The following LIPA variants were observed in gnomAD, a reference collection of about 807,000 sequenced individuals.
LIPA encodes the protein lysosomal acid lipase/cholesteryl ester hydrolase.
Under a neutral mutation model 40.6 loss-of-function variants are expected in LIPA, and 26 were observed. That is an observed-to-expected ratio of 0.64 (90% CI 0.47 to 0.89). The LOEUF (loss-of-function observed/expected upper bound fraction) is 0.89. LIPA is among the 40% of genes least tolerant of loss of function. The pLI, the probability that LIPA is intolerant of heterozygous loss-of-function variation, is 0.00. For missense variants in LIPA, 455 were observed against 479.6 expected, an observed-to-expected ratio of 0.95 and a Z score of 0.48; for synonymous variants, 188 against 168.4, an observed-to-expected ratio of 1.12 and a Z score of -0.90.
intron 1 of LIPA, among the ~76,000 whole-genome samples, chr10:89,336,536 G>A (rs1843743404): frequency 6.6e-6 from 1 of 152,244 alleles, no homozygotes; most frequent in South Asian, 2.1e-4. Flanking sequence ...CAGTAGCGGT[G>A]TGAGGGCCAG....
chr10:89,316,541 G>T (rs1589598851), intron 1 of LIPA, among the ~76,000 whole-genome samples: 1 of 152,210 alleles, frequency 6.6e-6, no homozygotes, highest in Non-Finnish European at 1.5e-5. Flanking sequence ...CATTGCTGAG[G>T]CTTGAGTAGG....
intron 1 of LIPA, among the ~76,000 whole-genome samples, chr10:89,328,364 C>T (rs778798548): frequency 1.1e-4 from 17 of 152,090 alleles, no homozygotes; most frequent in Non-Finnish European, 2.1e-4. Flanking sequence ...GCAGCTATTT[C>T]CTGCAATGAG....
At position 89,263,783 on chromosome 10, in the gene LIPA, C is replaced by T. The variant is rs570194752; in HGVS notation, c.-1-16134G>A. On this transcript the variant is annotated intron_variant, in intron 1 of 5. Transcript: ENST00000282673. ...GCTCATGCTAACCAACCAGATCCCA[C>T]GCCTCCAAGGTCAAGCCAGGTGTAG... 1.8e-4 allele frequency among the ~76,000 whole-genome samples: 28 copies of T among 152,364 alleles called. 1 individual carries two copies. The highest frequency in any genetic ancestry group is 2.1e-4 in the South Asian group (1 of 4,834).
chr10:89,325,867 A>T (rs928222150), intron 1 of LIPA, among the ~76,000 whole-genome samples: 3 of 151,804 alleles, frequency 2.0e-5, no homozygotes, highest in Non-Finnish European at 2.9e-5. Flanking sequence ...AATATAAGTT[A>T]AAAAAAAACC....
chr10:89,401,767 T>C (rs1844427475), intron 2 of LIPA, among the ~76,000 whole-genome samples: 1 of 138,940 alleles, frequency 7.2e-6, no homozygotes, highest in South Asian at 2.4e-4. Context: ...GAATCTGTAA[T>C]TATTTCCAAG....
chr10:89,386,872 C>T (rs886812938), intron 2 of LIPA, among the ~76,000 whole-genome samples: 2 of 152,176 alleles, frequency 1.3e-5, no homozygotes, highest in African/African-American at 4.8e-5. Flanking sequence ...ACCTTCCCAC[C>T]ACTCCAGGTA....
chr10:89,328,816 G>A (rs116452427), intron 1 of LIPA, among the ~76,000 whole-genome samples: 2,933 of 152,222 alleles, frequency 0.019, 42 homozygotes, highest in African/African-American at 0.037. Context: ...CTCTAATGGT[G>A]GGAAGCAGAT....
At chr10:89,380,550 C>T (rs775687517) in intron 2 of LIPA, among the ~76,000 whole-genome samples, 11 of 151,968 alleles carry the variant, frequency 7.2e-5, no homozygotes, top group Non-Finnish European at 1.3e-4. Flanking sequence ...GATCCTCCCA[C>T]GTCAGCCCAA....
At chr10:89,414,233 A>G (rs748116887) in intron 1 of LIPA, among the ~76,000 whole-genome samples, 14 of 152,198 alleles carry the variant, frequency 9.2e-5, no homozygotes, top group Non-Finnish European at 1.9e-4. Context: ...TTGTTGAATC[A>G]AAAGACTGGA....
chr10:89,363,997 G>A (rs1844041417), intron 2 of LIPA, among the ~76,000 whole-genome samples: 1 of 152,160 alleles, frequency 6.6e-6, no homozygotes, highest in African/African-American at 2.4e-5. Context: ...CCTGAGACGG[G>A]CTACTGGCCT....
At chr10:89,293,917 A>C (rs879439587) in intron 1 of LIPA, among the ~76,000 whole-genome samples, 1 of 152,224 alleles carries the variant, frequency 6.6e-6, no homozygotes, top group Non-Finnish European at 1.5e-5. Flanking sequence ...AACTCAATTC[A>C]GTCCAAAGCA....
chr10:89,383,440 A>T (rs1441336991), intron 2 of LIPA: 1 of 1,614,102 alleles, frequency 6.2e-7, no homozygotes, highest in Admixed American at 1.7e-5. Flanking sequence ...CTGGGAAGAG[A>T]TTCAGTTCCT....
rs369597035 is a variant in LIPA, at chr10:89,248,727, G to A, written c.-1-1078C>T. 4.8e-5 allele frequency among the ~76,000 whole-genome samples: 7 copies of A among 146,488 alleles called. No homozygotes were observed. In the East Asian group the frequency reaches 7.8e-4, roughly 16 times the overall value. ...CTCGATCTCCTAACCTCGTGATCAC[G>A]CCTCGGCCTCCCAAAGTGCTGGGAT... On this transcript the variant is annotated intron_variant, in intron 1 of 9. Coordinates refer to ENST00000336233, the MANE Select transcript of LIPA (RefSeq NM_000235.4).
chr10:89,230,856 C>T (rs755153943), intron 3 of LIPA, among the ~76,000 whole-genome samples: 9 of 152,166 alleles, frequency 5.9e-5, no homozygotes, highest in Admixed American at 2.0e-4. Context: ...AACCAGTCTG[C>T]GTCTCAGTTC....
rs189250390 is a variant in LIPA at position 89,349,919 on chromosome 10, T to C, written c.61+62872A>G. On this transcript the variant is annotated intron_variant, in intron 2 of 8. Coordinates refer to the LIPA transcript ENST00000371837. ...TCTGCCTGAAAGCAGAATATAAACG[T>C]CTCTTGTGATGGTATCCCCAACCCC... Among the ~76,000 whole-genome samples the C allele has an allele frequency of 2.0e-4, 31 of 152,228 alleles. 1 individual carries two copies. The highest frequency in any genetic ancestry group is 5.2e-4 in the Admixed American group (8 of 15,286).
intron 2 of LIPA, among the ~76,000 whole-genome samples, chr10:89,366,511 A>T (rs1844057926): frequency 6.6e-6 from 1 of 152,216 alleles, no homozygotes; most frequent in South Asian, 2.1e-4. Flanking sequence ...TCACAAATTT[A>T]CAAGAAAAAA....
At chr10:89,400,486 C>T (rs968071951) in intron 2 of LIPA, among the ~76,000 whole-genome samples, 3 of 152,038 alleles carry the variant, frequency 2.0e-5, no homozygotes, top group African/African-American at 4.8e-5. Context: ...AAGTCTTTTG[C>T]CTCCTAGGTT....
intron 2 of LIPA, among the ~76,000 whole-genome samples, chr10:89,360,204 G>T (rs568319487): frequency 9.9e-5 from 15 of 152,096 alleles, no homozygotes; most frequent in Non-Finnish European, 2.2e-4. Context: ...TAAGTGCCTA[G>T]CATCTATTTA....
At chr10:89,233,032 C>T (rs946490298) in intron 3 of LIPA, among the ~76,000 whole-genome samples, 30 of 152,138 alleles carry the variant, frequency 2.0e-4, no homozygotes, top group East Asian at 1.7e-3. Flanking sequence ...CCACCCAGAC[C>T]GAATTCACAC....
Sources: allele counts gnomAD v4.1 joint callset (sites outside exome capture counted in the v4.1 genomes callset), GRCh38; gene constraint gnomAD v4.1.1; transcripts MANE v1.5; gene names NCBI Gene and HGNC (gene_info 2026-07-23, HGNC 2026-07-21).